BAZ1A: variants seen among roughly 807,000 people sequenced by gnomAD.
BAZ1A encodes bromodomain adjacent to zinc finger domain protein 1A.
Under a neutral mutation model 185.2 loss-of-function variants are expected in BAZ1A, and 50 were observed. The observed-to-expected ratio is 0.27, with a 90% CI of 0.22 to 0.34. The LOEUF is 0.34. Among genes scored for constraint, BAZ1A ranks in the 10% least tolerant of loss-of-function variants. The pLI is 1.00. For synonymous variants in BAZ1A, 571 were observed against 615.6 expected (o/e 0.93, Z 1.07); for missense variants, 1,356 against 1,839.9 (o/e 0.74, Z 4.81).
In BAZ1A at chr14:34,753,722, C is replaced by G. The variant is rs767892438; in HGVS notation, c.4475-18G>C. 2.6e-6 allele frequency: 4 copies of G among 1,521,684 alleles called. No individual in the cohort carries two copies. The African/African-American group carries it at 4.2e-5, about 16-fold the overall frequency. 94.3% of individuals were successfully genotyped at this position (1,521,684 alleles called of 1,614,324 possible). A position where few individuals can be genotyped will look rare whatever the true frequency, so the allele number is the denominator to read the frequency against. On this transcript the variant is annotated intron_variant, in intron 26 of 26. Transcript: ENST00000360310. ...AAACTCAGCTAGAAAGGGAAAGAGA[C>G]AAAAAGATTAGAATGAAAGTACATA... is the stretch of plus-strand genomic sequence containing the variant.
intron 4 of BAZ1A, among the ~76,000 whole-genome samples, chr14:34,816,080 C>CTTTTTTTTTTT (rs35830800): frequency 1.4e-4 from 11 of 79,424 alleles, no homozygotes; most frequent in Non-Finnish European, 1.7e-4. Context: ...TATTCCAGAC[C>CTTTTTTTTTTT]TTTTTTTTTT....
At chr14:34,825,878 C>T (rs2042158997) in intron 4 of BAZ1A, 135 bp downstream of exon 4, 7 of 796,038 alleles carry the variant, frequency 8.8e-6, no homozygotes, top group Admixed American at 3.8e-5. Flanking sequence ...GTGGAAGTTG[C>T]AGTGAGCTGA....
chr14:34,782,922 C>G (rs929997980), intron 16 of BAZ1A, among the ~76,000 whole-genome samples, 197 bp downstream of exon 16: 3 of 152,152 alleles, frequency 2.0e-5, no homozygotes, highest in South Asian at 2.1e-4. Context: ...CAGTGTACAC[C>G]TGTGATATTG....
At chr14:34,865,064 C>T (rs2042835261) in intron 2 of BAZ1A, among the ~76,000 whole-genome samples, 1 of 152,114 alleles carries the variant, frequency 6.6e-6, no homozygotes, top group Non-Finnish European at 1.5e-5. Context: ...GCGTGAGCCA[C>T]CACGCCCAGC....
At chr14:34,843,474 C>T (rs536428488) in intron 3 of BAZ1A, among the ~76,000 whole-genome samples, 1 of 152,250 alleles carries the variant, frequency 6.6e-6, no homozygotes, top group East Asian at 1.9e-4. Flanking sequence ...ACTTTAGCTA[C>T]CTCAGTCTGA....
At chr14:34,759,334 C>T (rs189047334) in intron 24 of BAZ1A, among the ~76,000 whole-genome samples, 83 of 151,940 alleles carry the variant, frequency 5.5e-4, no homozygotes, top group Admixed American at 9.8e-4. Flanking sequence ...GCACCCGCCA[C>T]GGCGCCCGGC....
chr14:34,852,581 T>C (rs2042614653), intron 3 of BAZ1A, among the ~76,000 whole-genome samples: 1 of 152,130 alleles, frequency 6.6e-6, no homozygotes, highest in Admixed American at 6.6e-5. Context: ...ATTGCACCAC[T>C]GCACTCCAGC....
intron 2 of BAZ1A, among the ~76,000 whole-genome samples, chr14:34,862,660 T>C (rs2042787070): frequency 6.6e-6 from 1 of 151,536 alleles, no homozygotes; most frequent in Non-Finnish European, 1.5e-5. Flanking sequence ...TAATGAAAAA[T>C]CAGTCATTAA....
Position 34,765,267 on chromosome 14 carries a change from A to G in BAZ1A, c.3303T>C (p.Asp1101=). 6.2e-7 allele frequency: 1 copy of G among 1,611,268 alleles called. No individual in the cohort carries two copies. The highest frequency in any genetic ancestry group is 8.5e-7 in the Non-Finnish European group (1 of 1,178,750). ...TATAAGAACGCCCACTGTCACTGGC[A>G]TCTTAAATGAAAAGGGAAAGTGATT... The part of the protein sequence containing the change: ...IERRFLKAPL[D]ASDSGRSYKT... The change falls in exon 22 of 27, where the codon GAT becomes GAC. Residue 1101 remains aspartate (D), a splice_region_variant and synonymous_variant. Transcript: ENST00000360310.
At chr14:34,852,130 GA>G (rs557343760) in intron 3 of BAZ1A, among the ~76,000 whole-genome samples, 1,987 of 133,474 alleles carry the variant, frequency 0.015, 17 homozygotes, top group African/African-American at 0.025. Context: ...CCGTCTCAAA[GA>G]AAAAAAAAAA....
chr14:34,764,448 A>G (rs1452707537), intron 23 of BAZ1A, among the ~76,000 whole-genome samples: 1 of 151,324 alleles, frequency 6.6e-6, no homozygotes, highest in African/African-American at 2.4e-5. Flanking sequence ...GTCCACCAAC[A>G]CCTTGGCTAA....
intron 9 of BAZ1A, among the ~76,000 whole-genome samples, chr14:34,799,429 C>T (rs1167134617): frequency 6.6e-6 from 1 of 152,046 alleles, no homozygotes; most frequent in Non-Finnish European, 1.5e-5. Context: ...AAAATGAGCA[C>T]AGAGCATGTA....
At position 34,809,940 on chromosome 14, in the gene BAZ1A, G is replaced by A. The variant is rs188352523; in HGVS notation, c.638+995C>T. 2.6e-3 allele frequency among the ~76,000 whole-genome samples: 391 copies of A among 152,188 alleles called. 3 individuals are homozygous for A. The highest frequency in any genetic ancestry group is 9.1e-3 in the African/African-American group (378 of 41,546). On this transcript the variant is annotated intron_variant, in intron 5 of 26. Transcript: ENST00000360310. ...TTTGAATAATCAAACATTAGTTTTA[G>A]AATATTATTTTTGAATATAAAGTAA...
intron 24 of BAZ1A, 47 bp from the exon 25 acceptor site, chr14:34,758,893 T>C (rs370447572): frequency 6.3e-7 from 1 of 1,594,706 alleles, no homozygotes; most frequent in South Asian, 1.1e-5. Flanking sequence ...AGCAAAATAT[T>C]GGTTCACTAC....
intron 21 of BAZ1A, among the ~76,000 whole-genome samples, chr14:34,766,394 A>G (rs1396372443): frequency 1.3e-5 from 2 of 152,208 alleles, no homozygotes; most frequent in African/African-American, 2.4e-5. Context: ...AGTTAAAACC[A>G]TAAAGCAGAG....
At chr14:34,811,746 T>C (rs2041933155) in intron 4 of BAZ1A, among the ~76,000 whole-genome samples, 1 of 152,244 alleles carries the variant, frequency 6.6e-6, no homozygotes, top group Admixed American at 6.5e-5. Context: ...ACTCATTCAC[T>C]ACATTTTCTT....
chr14:34,761,823 T>C lies in BAZ1A; in HGVS notation c.4177A>G (p.Ile1393Val), dbSNP rs778493432. The C allele has an allele frequency of 2.5e-6, 4 of 1,614,230 alleles. No homozygotes were observed. The South Asian group carries it at 4.4e-5, about 18-fold the overall frequency. ...KSSEQSRSVNIASKLSLQESE... is the reference protein window; with the variant it reads ...KSSEQSRSVNVASKLSLQESE... ...TCTTGGAGAGAAAGTTTTGAAGCAA[T>C]ATTTACAGATCTTGACTGTTCACTT... The change falls in exon 24 of 27, where the codon ATT (isoleucine) becomes GTT (valine). Residue 1393 changes from isoleucine to valine, a missense_variant. Physicochemically the swap from Ile to Val is conservative, Grantham distance 29. Around this residue, in one of 7 missense-constraint regions of BAZ1A, gnomAD observed 309 missense variants for 355.3 expected, o/e 0.87. Transcript: ENST00000360310.
chr14:34,786,389 C>T, intron 12 of BAZ1A, 168 bp from the exon 13 acceptor site: 1 of 589,070 alleles, frequency 1.7e-6, no homozygotes, highest in Non-Finnish European at 2.9e-6. Context: ...TCACCACCTA[C>T]AGCTATAAAT....
At chr14:34,865,707 G>C (rs1467525544) in intron 2 of BAZ1A, among the ~76,000 whole-genome samples, 1 of 152,016 alleles carries the variant, frequency 6.6e-6, no homozygotes, top group Non-Finnish European at 1.5e-5. Flanking sequence ...AGATCCTTTT[G>C]AACTAAAGTT....
Sources: allele counts gnomAD v4.1 joint callset (sites outside exome capture counted in the v4.1 genomes callset), GRCh38; gene constraint gnomAD v4.1.1; regional missense constraint gnomAD v4.1.1; transcripts MANE v1.5; gene names NCBI Gene and HGNC (gene_info 2026-07-23, HGNC 2026-07-21).